The following CEP192 variants were observed in gnomAD, a reference collection of about 807,000 sequenced individuals.
The protein encoded by CEP192 is centrosomal protein 192, also known as centrosomal protein of 192 kDa.
In CEP192, 151 loss-of-function variants were observed where a neutral mutation model predicts 271.8. That is an observed-to-expected ratio of 0.56 (90% CI 0.49 to 0.64). The LOEUF is 0.64. Ranked by LOEUF, CEP192 falls within the 30% of genes least tolerant of loss-of-function variation. The pLI is 0.00. For synonymous variants in CEP192, 995 were observed against 1,076.5 expected, an observed-to-expected ratio of 0.92 and a Z score of 1.48; for missense variants, 2,910 against 3,020.5, an observed-to-expected ratio of 0.96 and a Z score of 0.86.
At chr18:12,994,493 G>A (rs2033089827) in intron 1 of CEP192, among the ~76,000 whole-genome samples, 1 of 152,090 alleles carries the variant, frequency 6.6e-6, no homozygotes, top group Non-Finnish European at 1.5e-5. Flanking sequence ...TTGATTCATA[G>A]TTAATGGTCT....
intron 30 of CEP192, among the ~76,000 whole-genome samples, chr18:13,081,083 A>G (rs1362363351): frequency 6.6e-6 from 1 of 152,216 alleles, no homozygotes; most frequent in Non-Finnish European, 1.5e-5. Context: ...CATCAGAGAT[A>G]TTGGATTAAA....
intron 40 of CEP192, among the ~76,000 whole-genome samples, chr18:13,109,218 G>A (rs1043711106): frequency 3.9e-5 from 6 of 152,206 alleles, no homozygotes; most frequent in Admixed American, 2.6e-4. Flanking sequence ...CTGTGCAGCC[G>A]TAGAATCAAA....
chr18:13,000,091 CTTTTTTTTTTT>C (rs775544715), intron 2 of CEP192, among the ~76,000 whole-genome samples: 28 of 76,754 alleles, frequency 3.6e-4, no homozygotes, highest in South Asian at 1.5e-3. Flanking sequence ...TGTCTTCTCT[CTTTTTTTTTTT>C]TTTTTTTTTT....
intron 4 of CEP192, among the ~76,000 whole-genome samples, chr18:13,009,841 A>G (rs1469931460): frequency 1.3e-5 from 2 of 152,148 alleles, no homozygotes; most frequent in Non-Finnish European, 2.9e-5. Flanking sequence ...TCAAAAAGAA[A>G]AATTGCTCTC....
At chr18:12,991,890 T>G (rs1285889237) in intron 1 of CEP192, among the ~76,000 whole-genome samples, 1 of 147,378 alleles carries the variant, frequency 6.8e-6, no homozygotes, top group East Asian at 2.0e-4. Context: ...TGTTTAAAAT[T>G]CTGACCCAGG....
At chr18:13,061,046 G>A (rs770579139) in intron 21 of CEP192, among the ~76,000 whole-genome samples, 1 of 152,170 alleles carries the variant, frequency 6.6e-6, no homozygotes, top group Non-Finnish European at 1.5e-5. Context: ...TTTCAGGCCA[G>A]ATGTGGTGTC....
intron 10 of CEP192, 36 bp from the exon 11 acceptor site, chr18:13,030,429 T>G (rs756522661): frequency 6.7e-7 from 1 of 1,499,612 alleles, no homozygotes; most frequent in Non-Finnish European, 9.0e-7. Context: ...AGTTGTTACA[T>G]GTGTCATTTG....
intron 21 of CEP192, among the ~76,000 whole-genome samples, chr18:13,062,111 C>A (rs1485564086): frequency 1.3e-5 from 2 of 152,182 alleles, no homozygotes; most frequent in Admixed American, 1.3e-4. Flanking sequence ...ATTGGAATCA[C>A]CTGATGAACT....
In CEP192 at chr18:13,048,931, A is replaced by C. The variant is rs775881871; in HGVS notation, c.2140A>C (p.Arg714=). ...ACCAGATAGTGGTGATTCTATGCTT[A>C]GGATCAGCACCATTGCTTCAGCCAT... is the stretch of plus-strand genomic sequence containing the variant. The part of the protein sequence containing the change: ...KLPDSGDSML[R]ISTIASAIAE... Residue 714 remains arginine (R), a synonymous_variant, in exon 16 of 45, where the codon AGG becomes CGG. Transcript: ENST00000506447. The C allele has an allele frequency of 6.2e-7, 1 of 1,614,122 alleles. No homozygotes were observed. Among genetic ancestry groups the C allele is most frequent in the Non-Finnish European group, 8.5e-7 (1 of 1,179,950 alleles).
chr18:13,018,707 A>G (rs1056361290), intron 8 of CEP192, 92 bp downstream of exon 8: 2 of 910,774 alleles, frequency 2.2e-6, no homozygotes, highest in African/African-American at 1.7e-5. Flanking sequence ...ATGATTTAGC[A>G]TATATTAACT....
Position 13,056,303 on chromosome 18 carries a change from C to T in CEP192, c.3713C>T (p.Ala1238Val), listed in dbSNP as rs770238911. Residue 1238 changes from alanine (A) to valine (V), a missense_variant, in exon 19 of 45, where the codon GCT (alanine) becomes GTT (valine). Physicochemically the swap from Ala to Val is moderately conservative, Grantham distance 64. Transcript: ENST00000506447. ...AGCAGCACAGTTCACAGCTCTGTGG[C>T]TGACATGCAGAACATGCCTGCTGCT... ...IPSSTVHSSV[A>V]DMQNMPAAVH... The T allele has an allele frequency of 6.2e-7, 1 of 1,613,848 alleles. No individual in the cohort carries two copies. The highest frequency in any genetic ancestry group is 1.1e-5 in the South Asian group (1 of 91,064).
At chr18:13,114,049 G>T in intron 41 of CEP192, 81 bp from the exon 42 acceptor site, 3 of 1,471,748 alleles carry the variant, frequency 2.0e-6, no homozygotes, top group Non-Finnish European at 2.8e-6. Context: ...TAAAGGAAAT[G>T]ATAGAATTCA....
At chr18:13,002,283 A>T (rs1027506096) in intron 3 of CEP192, among the ~76,000 whole-genome samples, 3 of 147,816 alleles carry the variant, frequency 2.0e-5, no homozygotes, top group South Asian at 2.2e-4. Context: ...ATGAAAATAA[A>T]TTTTTTTTTT....
chr18:13,078,389 A>T (rs1258165616), intron 30 of CEP192, among the ~76,000 whole-genome samples: 2 of 152,182 alleles, frequency 1.3e-5, no homozygotes, highest in Admixed American at 1.3e-4. Flanking sequence ...GCTGCAATAA[A>T]CATATGTGTG....
rs114960572 is a variant in CEP192, at chr18:13,087,454, C to T, written c.5878-77C>T. On this transcript the variant is annotated intron_variant, in intron 31 of 44. Transcript: ENST00000506447. ...TGTGTCTGTGTCGAATTTTTAGGCT[C>T]GTAAGATTGTTGAATCAGATTGAAA... 4,048 of 949,150 alleles carry T rather than the reference C, an allele frequency of 4.3e-3. 90 individuals carry two copies. In the African/African-American group the frequency reaches 0.048, roughly 11 times the overall value. 58.8% of individuals were successfully genotyped at this position (949,150 alleles called of 1,614,324 possible).
rs1299615578 is a variant in CEP192 at position 13,037,279 on chromosome 18, A to G, written c.1577A>G (p.Asn526Ser). The change falls in exon 12 of 45, where the codon AAT becomes AGT. Residue 526 changes from asparagine (N) to serine (S), a missense_variant. Asn to Ser is a conservative substitution (Grantham distance 46, BLOSUM62 1). Transcript: ENST00000506447. ...DLIAQDEEEF[N>S]KEHQFIQEEN... The stretch of plus-strand genomic sequence containing the variant: ...ATTGCACAAGATGAAGAAGAATTTA[A>G]TAAAGAGCATCAATTTATACAGGTT... 1 of 1,371,974 alleles carries G rather than the reference A, an allele frequency of 7.3e-7. No individual in the cohort carries two copies. Among genetic ancestry groups the G allele is most frequent in the Admixed American group, 2.0e-5 (1 of 49,808 alleles). 85.0% of individuals were successfully genotyped at this position (1,371,974 alleles called of 1,614,324 possible).
In CEP192 at chr18:13,020,250, A is replaced by G. The variant is rs79290665; in HGVS notation, c.1050+1044A>G. On this transcript the variant is annotated intron_variant, in intron 9 of 44. Coordinates refer to ENST00000506447, the MANE Select transcript of CEP192 (RefSeq NM_032142.4). ...AACCTCAGTTCCCTCCTGCCTTCCA[A>G]CTCATGGCAGCTACCATTCTACTTT... 7.9e-3 allele frequency among the ~76,000 whole-genome samples: 1,209 copies of G among 152,104 alleles called. 24 individuals carry two copies. The highest frequency in any genetic ancestry group is 0.023 in the African/African-American group (945 of 41,474).
At chr18:13,069,328 G>A in intron 26 of CEP192, 147 bp downstream of exon 26, 1 of 665,842 alleles carries the variant, frequency 1.5e-6, no homozygotes, top group South Asian at 1.8e-5. Flanking sequence ...TTAAAAACTG[G>A]GTGTTATATA....
intron 17 of CEP192, 68 bp from the exon 18 acceptor site, chr18:13,052,851 G>A (rs2036868402): frequency 1.6e-6 from 2 of 1,235,744 alleles, no homozygotes; most frequent in African/African-American, 3.0e-5. Flanking sequence ...CCATAGGAAT[G>A]GTTTTTTGCT....
Sources: gnomAD v4.1 joint callset for allele counts (sites outside exome capture counted in the v4.1 genomes callset) on GRCh38, gnomAD v4.1.1 for gene constraint, MANE v1.5 for transcripts, NCBI Gene and HGNC (gene_info 2026-07-23, HGNC 2026-07-21) for gene names.